Variants in SPRY3 observed in about 807,000 individuals in gnomAD.
SPRY3 encodes the protein protein sprouty homolog 3.
A neutral mutation model predicts 20.2 loss-of-function variants in SPRY3; 15 were observed. That is an observed-to-expected ratio of 0.74 (90% confidence interval 0.50 to 1.14). The LOEUF (loss-of-function observed/expected upper bound fraction) is 1.14. Among genes scored for constraint, SPRY3 ranks in the 50% most tolerant of loss-of-function variants. The pLI, the probability that SPRY3 is intolerant of heterozygous loss-of-function variation, is 0.00. For missense variants in SPRY3, 364 were observed against 363.9 expected, an observed-to-expected ratio of 1.00 and a Z score of 0.00; for synonymous variants, 143 against 136.5, an observed-to-expected ratio of 1.05 and a Z score of -0.33.
chrX:155,750,374 A>G (rs749598442), intron 2 of SPRY3, among the ~76,000 whole-genome samples: 1 of 151,984 alleles, frequency 6.6e-6, no homozygotes, highest in African/African-American at 2.4e-5. Flanking sequence ...AAACCTCAGC[A>G]TCACGCAATA....
chrX:155,706,016 TA>T (rs2090948447), intron 2 of SPRY3, among the ~76,000 whole-genome samples: 1 of 151,312 alleles, frequency 6.6e-6, no homozygotes, highest in African/African-American at 2.4e-5. Flanking sequence ...TAACAAGAAC[TA>T]ATTGACATTT....
intron 2 of SPRY3, among the ~76,000 whole-genome samples, chrX:155,727,263 A>G (rs2091104397): frequency 6.6e-6 from 1 of 151,996 alleles, no homozygotes; most frequent in Non-Finnish European, 1.5e-5. Flanking sequence ...ACCTTGGTAA[A>G]TCTGACAATT....
intron 1 of SPRY3, among the ~76,000 whole-genome samples, chrX:155,635,083 A>ATGTCCATG (rs1427019542): frequency 1.9e-5 from 2 of 106,967 alleles, no homozygotes; most frequent in East Asian, 5.9e-4. Flanking sequence ...CCCCCCTCCC[A>ATGTCCATG]TGTCCATGTG....
chrX:155,768,248 G>A (rs1261309935), intron 3 of SPRY3, 112 bp downstream of exon 2: 2 of 150,272 alleles, frequency 1.3e-5, no homozygotes, highest in East Asian at 3.9e-4. Flanking sequence ...TGTGTGCCGC[G>A]CGCTTGGGCG....
chrX:155,774,636 C>T (rs2091410472), exon 4 of SPRY3: 1 of 1,613,976 alleles, frequency 6.2e-7, no homozygotes, highest in Non-Finnish European at 8.5e-7. Context: ...ATGATAGCCT[C>T]CGGCGACCAG....
At chrX:155,613,831 A>T (rs1446194292) in intron 1 of SPRY3, among the ~76,000 whole-genome samples, 1 of 111,118 alleles carries the variant, frequency 9.0e-6, no homozygotes, top group Non-Finnish European at 1.9e-5. Context: ...AGTATGCCCA[A>T]TGGATCTCGT....
chrX:155,767,703 AG>A (rs2091344170), intron 2 of SPRY3: 1 of 98,868 alleles, frequency 1.0e-5, no homozygotes, highest in Non-Finnish European at 1.9e-5. Context: ...AGGAGGAGAA[AG>A]AAGAGGAGGA....
At chrX:155,613,901 C>T (rs1195729704) in intron 1 of SPRY3, among the ~76,000 whole-genome samples, 1 of 111,429 alleles carries the variant, frequency 9.0e-6, no homozygotes, top group Non-Finnish European at 1.9e-5. Flanking sequence ...ATGTCTTTGT[C>T]CTCTAATGAA....
intron 2 of SPRY3, among the ~76,000 whole-genome samples, chrX:155,723,758 C>A (rs763440211): frequency 3.3e-5 from 5 of 152,200 alleles, no homozygotes; most frequent in African/African-American, 4.8e-5. Flanking sequence ...ATAGTAGTTT[C>A]TTTTGCTGTG....
chrX:155,681,556 G>A (rs781538116), intron 2 of SPRY3, among the ~76,000 whole-genome samples: 1 of 112,327 alleles, frequency 8.9e-6, no homozygotes, highest in East Asian at 2.8e-4. Flanking sequence ...GCTGAGTTAG[G>A]GAGAAAGCTA....
At chrX:155,763,592 A>G (rs1040037952) in intron 2 of SPRY3, among the ~76,000 whole-genome samples, 3 of 152,132 alleles carry the variant, frequency 2.0e-5, no homozygotes, top group Admixed American at 2.0e-4. Context: ...CTCCAGCACT[A>G]TATATTCCAA....
intron 2 of SPRY3, among the ~76,000 whole-genome samples, chrX:155,746,518 A>C (rs984974781): frequency 6.6e-6 from 1 of 152,036 alleles, no homozygotes; most frequent in Non-Finnish European, 1.5e-5. Context: ...TAAATTTTCA[A>C]CAGTAACCTA....
intron 2 of SPRY3, among the ~76,000 whole-genome samples, chrX:155,700,638 T>TTTTTAGG (rs2068134313): frequency 1.4e-4 from 11 of 80,810 alleles, no homozygotes; most frequent in Non-Finnish European, 1.8e-4. Context: ...TTTTTTATTA[T>TTTTTAGG]ACTCTAAGTT....
At chrX:155,710,178 C>T (rs1462722837) in intron 2 of SPRY3, among the ~76,000 whole-genome samples, 2 of 151,202 alleles carry the variant, frequency 1.3e-5, no homozygotes, top group African/African-American at 2.4e-5. Flanking sequence ...TTTAGAATTG[C>T]TTTTTTTTAT....
At chrX:155,769,005 A>G (rs754925934) in intron 3 of SPRY3, among the ~76,000 whole-genome samples, 3 of 152,332 alleles carry the variant, frequency 2.0e-5, no homozygotes, top group African/African-American at 7.2e-5. Context: ...GTGTTATCAC[A>G]TGAATTTGGA....
chrX:155,632,219 C>CCACACACATACA (rs2067908408), intron 1 of SPRY3, among the ~76,000 whole-genome samples: 2 of 98,645 alleles, frequency 2.0e-5, no homozygotes, highest in Admixed American at 2.3e-4. Context: ...TCCACAGCCA[C>CCACACACATACA]CACACACACA....
chrX:155,674,098 G>A (rs965405411), intron 2 of SPRY3, among the ~76,000 whole-genome samples: 3 of 111,389 alleles, frequency 2.7e-5, no homozygotes, highest in Non-Finnish European at 5.7e-5. Flanking sequence ...AATTTTGTAC[G>A]GTGGTTCCCA....
intron 2 of SPRY3, among the ~76,000 whole-genome samples, chrX:155,728,594 C>T (rs889156591): frequency 5.3e-5 from 8 of 152,176 alleles, no homozygotes; most frequent in East Asian, 1.9e-4. Context: ...AGCAAGGCTC[C>T]GTGGGCATGG....
intron 2 of SPRY3, chrX:155,767,718 G>T (rs1365909635): frequency 1.0e-5 from 1 of 100,278 alleles, no homozygotes; most frequent in Non-Finnish European, 2.0e-5. Flanking sequence ...AGGAGGAGGA[G>T]AAAGAGGAGG....
Sources: allele counts gnomAD v4.1 joint callset (sites outside exome capture counted in the v4.1 genomes callset), GRCh38; gene constraint gnomAD v4.1.1; transcripts MANE v1.5; gene names NCBI Gene and HGNC (gene_info 2026-07-23, HGNC 2026-07-21).